Variants in MON2 observed in about 807,000 individuals in gnomAD.
MON2 encodes the protein MON2 regulator of endosome-to-Golgi trafficking.
A neutral mutation model predicts 208.6 loss-of-function variants in MON2; 84 were observed. The observed-to-expected ratio is 0.40, with a 90% CI of 0.34 to 0.48. The LOEUF (loss-of-function observed/expected upper bound fraction) is 0.48, where lower values mean the gene tolerates loss of function less well. MON2 is among the 20% of genes least tolerant of loss of function. MON2 has a pLI of 0.59. For synonymous variants in MON2, 660 were observed against 694.0 expected (o/e 0.95, Z 0.77); for missense variants, 1,611 against 2,015.4 (o/e 0.80, Z 3.84).
At chr12:62,569,480 C>G (rs1452552121) in intron 29 of MON2, among the ~76,000 whole-genome samples, 3 of 152,110 alleles carry the variant, frequency 2.0e-5, no homozygotes, top group African/African-American at 7.2e-5. Context: ...TAAGAATTGA[C>G]CATATCGTTT....
Position 62,470,775 on chromosome 12 carries a change from C to T in MON2, c.111+3457C>T, listed in dbSNP as rs1053597404. The T allele has an allele frequency of 1.5e-5, 16 of 1,070,824 alleles. No homozygotes were observed. The East Asian group carries it at 4.6e-4, about 31-fold the overall frequency. 66.3% of individuals were successfully genotyped at this position (1,070,824 alleles called of 1,614,324 possible). On this transcript the variant is annotated intron_variant, in intron 1 of 34. Transcript: ENST00000393630. ...CATTCCTAGCAGAGGAAATAGCACA[C>T]GTTGTTAGTATTCCATGTAAAATAA...
intron 8 of MON2, among the ~76,000 whole-genome samples, chr12:62,523,950 G>T (rs2072201064): frequency 6.6e-6 from 1 of 152,082 alleles, no homozygotes; most frequent in South Asian, 2.1e-4. Flanking sequence ...CTGAGAAATG[G>T]TCTATATTAG....
chr12:62,517,356 A>C (rs1426284618), intron 8 of MON2, among the ~76,000 whole-genome samples: 1 of 152,188 alleles, frequency 6.6e-6, no homozygotes, highest in Non-Finnish European at 1.5e-5. Flanking sequence ...TCTGTTGCTA[A>C]CCAGGACCTC....
In MON2 at chr12:62,553,187, A is replaced by G; in HGVS notation, c.3210+13A>G. 6.2e-7 allele frequency: 1 copy of G among 1,606,836 alleles called. No homozygotes were observed. Among genetic ancestry groups the G allele is most frequent in the Non-Finnish European group, 8.5e-7 (1 of 1,174,090 alleles). ...TGTTATCTGGAAGGTATTGTAAAAT[A>G]GATTGGACTATCAGCTTTTAATGAG... On this transcript the variant is annotated intron_variant, in intron 24 of 34. Coordinates refer to ENST00000393630, the MANE Select transcript of MON2 (RefSeq NM_015026.3).
At chr12:62,592,440 T>C (rs904238186) in intron 34 of MON2, 146 bp from the exon 35 acceptor site, 8 of 615,360 alleles carry the variant, frequency 1.3e-5, no homozygotes, top group Non-Finnish European at 1.7e-5. Flanking sequence ...CTTTGAAAAA[T>C]TAAAAAGATA....
intron 1 of MON2, among the ~76,000 whole-genome samples, chr12:62,480,339 G>T (rs191704989): frequency 6.6e-6 from 1 of 152,046 alleles, no homozygotes; most frequent in African/African-American, 2.4e-5. Context: ...CAGGGGAATC[G>T]CTTGAGTCCA....
chr12:62,501,350 A>G (rs1023608780), intron 6 of MON2, among the ~76,000 whole-genome samples: 1 of 152,144 alleles, frequency 6.6e-6, no homozygotes, highest in African/African-American at 2.4e-5. Context: ...TTATCTGTCT[A>G]CTGTCTCTGT....
chr12:62,487,856 A>G (rs1314894546), intron 2 of MON2, among the ~76,000 whole-genome samples: 1 of 152,124 alleles, frequency 6.6e-6, no homozygotes, highest in East Asian at 1.9e-4. Context: ...CAAGAAATAC[A>G]CTTGAAAGAA....
In MON2 at chr12:62,525,187, CCTACTGGAAATCCTGCAA is replaced by C; in HGVS notation, c.1215_1232del (p.Thr406_Thr411del). ...TATACAGTCCTTGTTTCTTGTCCCCCCTACTGGAAATCCTGCAACAAGCAACCAAGCTGGTAAAAACAT... is the reference window on the plus strand; with the variant it reads ...TATACAGTCCTTGTTTCTTGTCCCCCCAAGCAACCAAGCTGGTAAAAACAT... On this transcript the variant is annotated inframe_deletion, in exon 10 of 35. Transcript: ENST00000393630. 4 of 1,613,336 alleles carry C rather than the reference CCTACTGGAAATCCTGCAA, an allele frequency of 2.5e-6. No homozygotes were observed. The highest frequency in any genetic ancestry group is 3.4e-6 in the Non-Finnish European group (4 of 1,179,516).
chr12:62,592,912 C>A lies in MON2; in HGVS notation c.*163C>A. 1 of 603,144 alleles carries A rather than the reference C, an allele frequency of 1.7e-6. No individual in the cohort carries two copies. The highest frequency in any genetic ancestry group is 2.7e-6 in the Non-Finnish European group (1 of 366,402). 37.4% of individuals were successfully genotyped at this position (603,144 alleles called of 1,614,324 possible). ...TGAGTTCAGTAATTCATATTACAGGCTTGCACATCAACAAAGGCTCCTGAA... is the reference window on the plus strand; with the variant it reads ...TGAGTTCAGTAATTCATATTACAGGATTGCACATCAACAAAGGCTCCTGAA... On this transcript the variant is annotated 3_prime_UTR_variant, in exon 35 of 35. Coordinates refer to ENST00000393630, the MANE Select transcript of MON2 (RefSeq NM_015026.3).
rs1191874811 is a variant in MON2, at chr12:62,534,936, CT to C, written c.1715+13del. The stretch of plus-strand genomic sequence containing the variant: ...TCCTTCTTGATGCCAGGTATTAAGT[CT>C]TTGTAAGTTTTATATTGAACTGTGT... On this transcript the variant is annotated intron_variant, in intron 13 of 34. Transcript: ENST00000393630. The C allele has an allele frequency of 6.3e-7, 1 of 1,589,496 alleles. No individual in the cohort carries two copies. Among genetic ancestry groups the C allele is most frequent in the East Asian group, 2.3e-5 (1 of 44,318 alleles).
chr12:62,569,774 G>C (rs987440589), intron 29 of MON2, among the ~76,000 whole-genome samples: 1 of 152,028 alleles, frequency 6.6e-6, no homozygotes, highest in Non-Finnish European at 1.5e-5. Flanking sequence ...CAAAGCACAT[G>C]GATTATATGG....
At chr12:62,502,226 GATAA>G (rs2070875012) in intron 7 of MON2, among the ~76,000 whole-genome samples, 1 of 151,748 alleles carries the variant, frequency 6.6e-6, no homozygotes, top group Non-Finnish European at 1.5e-5. Context: ...TCTCAAAAAA[GATAA>G]ATAAAACAAA....
intron 4 of MON2, among the ~76,000 whole-genome samples, chr12:62,497,323 T>C (rs2136065197): frequency 6.6e-6 from 1 of 152,152 alleles, no homozygotes; most frequent in Middle Eastern, 3.4e-3. Context: ...ATAAAAAAAA[T>C]TCATTCATAA....
chr12:62,562,341 T>TA (rs1052262937), intron 26 of MON2, among the ~76,000 whole-genome samples: 19 of 152,172 alleles, frequency 1.2e-4, no homozygotes, highest in African/African-American at 4.6e-4. Context: ...GTTTTATTTT[T>TA]AAAAAACTCT....
chr12:62,529,560 T>C (rs12370404), intron 11 of MON2, among the ~76,000 whole-genome samples: 18,351 of 152,238 alleles, frequency 0.12, 1,386 homozygotes, highest in Middle Eastern at 0.26. Flanking sequence ...ATTTTACTTT[T>C]GAGATAATTC....
rs1186339864 is a variant in MON2, at chr12:62,599,466, G to A, written c.*6717G>A. 1 of 152,174 alleles carries A rather than the reference G, an allele frequency of 6.6e-6. No individual in the cohort carries two copies. The highest frequency in any genetic ancestry group is 1.5e-5 in the Non-Finnish European group (1 of 68,028). 9.4% of individuals were successfully genotyped at this position (152,174 alleles called of 1,614,324 possible). On this transcript the variant is annotated 3_prime_UTR_variant, in exon 35 of 35. Coordinates refer to ENST00000393630, the MANE Select transcript of MON2 (RefSeq NM_015026.3). The stretch of plus-strand genomic sequence containing the variant: ...AAAACAAGAATTTGTACGTTACTCA[G>A]TGTGTACTGCAGTCAGATATAGTTA...
rs2073070337 is a variant in MON2, at chr12:62,538,153, A to G, written c.2176A>G (p.Arg726Gly). The G allele has an allele frequency of 9.9e-6, 16 of 1,613,552 alleles. No individual in the cohort carries two copies. The East Asian group carries it at 3.6e-4, about 36-fold the overall frequency. Residue 726 changes from arginine to glycine, a missense_variant, in exon 17 of 35, where the codon AGA becomes GGA. Physicochemically the swap from Arg to Gly is moderately radical, Grantham distance 125 (BLOSUM62 -2). Coordinates refer to ENST00000393630, the MANE Select transcript of MON2 (RefSeq NM_015026.3). ...PSSGGALKPGRAVEGPSTVLT... is the reference protein window; with the variant it reads ...PSSGGALKPGGAVEGPSTVLT... The stretch of plus-strand genomic sequence containing the variant: ...TAGTGGCGGTGCCTTGAAACCTGGG[A>G]GAGCTGTAGAAGGACCCAGTACAGT...
At chr12:62,570,603 T>C (rs1221588165) in intron 29 of MON2, among the ~76,000 whole-genome samples, 1 of 152,140 alleles carries the variant, frequency 6.6e-6, no homozygotes, top group African/African-American at 2.4e-5. Context: ...CTATGCTATA[T>C]GGTCTAACCT....
Sources: gnomAD v4.1 joint callset for allele counts (sites outside exome capture counted in the v4.1 genomes callset) on GRCh38, gnomAD v4.1.1 for gene constraint, MANE v1.5 for transcripts, NCBI Gene and HGNC (gene_info 2026-07-23, HGNC 2026-07-21) for gene names.